Variants in EFTUD2 observed in about 807,000 individuals in gnomAD.
The protein encoded by EFTUD2 is elongation factor Tu GTP binding domain containing 2.
In EFTUD2, 9 loss-of-function variants were observed where a neutral mutation model predicts 114.3. The observed-to-expected ratio is 0.08, with a 90% CI of 0.05 to 0.14. The LOEUF (loss-of-function observed/expected upper bound fraction) is 0.14. EFTUD2 is among the 10% of genes least tolerant of loss of function. The probability of loss-of-function intolerance (pLI) is 1.00; values close to 1 mark genes in which losing one functional copy is unlikely to be tolerated. For synonymous variants in EFTUD2, 449 were observed against 462.3 expected (o/e 0.97, Z 0.37); for missense variants, 765 against 1,241.2 (o/e 0.62, Z 5.76).
At chr17:44,855,693 G>C (rs779747632) in intron 20 of EFTUD2, among the ~76,000 whole-genome samples, 1 of 152,306 alleles carries the variant, frequency 6.6e-6, no homozygotes, top group African/African-American at 2.4e-5. Flanking sequence ...GCTCATGCCT[G>C]TAATCCCAAC....
Position 44,880,577 on chromosome 17 carries a change from A to T in EFTUD2, c.596T>A (p.Leu199His). The change falls in exon 8 of 28, where the codon CTC becomes CAC. Residue 199 changes from leucine (L) to histidine (H), a missense_variant. Physicochemically the swap from Leu to His is moderately conservative, Grantham distance 99. Coordinates refer to ENST00000426333, the MANE Select transcript of EFTUD2 (RefSeq NM_004247.4). The stretch of plus-strand genomic sequence containing the variant: ...ACCTGGAGTGTCCATGATATTGAAG[A>T]GATAAGATTTTCCTTTGGTGTCTGG... Reference protein sequence around the residue: ...VLPDTKGKSYLFNIMDTPGHV... With the variant: ...VLPDTKGKSYHFNIMDTPGHV... 6.2e-7 allele frequency: 1 copy of T among 1,613,754 alleles called. No homozygotes were observed. Among genetic ancestry groups the T allele is most frequent in the Non-Finnish European group, 8.5e-7 (1 of 1,179,696 alleles).
chr17:44,895,254 G>A (rs531064296), intron 1 of EFTUD2, among the ~76,000 whole-genome samples: 9 of 152,374 alleles, frequency 5.9e-5, no homozygotes, highest in African/African-American at 2.2e-4. Context: ...CCAGCACTTT[G>A]GGAGGCCAAG....
intron 14 of EFTUD2, 86 bp downstream of exon 14, chr17:44,864,844 C>G: frequency 6.4e-7 from 1 of 1,550,868 alleles, no homozygotes; most frequent in Non-Finnish European, 8.7e-7. Flanking sequence ...TTTCTGACCT[C>G]CATCGCTGGG....
At chr17:44,872,674 C>T (rs2050877278) in intron 10 of EFTUD2, 104 bp from the exon 11 acceptor site, 15 of 1,406,698 alleles carry the variant, frequency 1.1e-5, no homozygotes, top group South Asian at 5.6e-5. Context: ...CTCCAGCCCT[C>T]GGAAGGGACT....
chr17:44,872,073 G>A (rs1297276605), intron 11 of EFTUD2, among the ~76,000 whole-genome samples: 1 of 152,190 alleles, frequency 6.6e-6, no homozygotes, highest in Non-Finnish European at 1.5e-5. Flanking sequence ...ATTGATGTCT[G>A]CCTCCATACG....
At chr17:44,882,088 C>T (rs904128815) in intron 6 of EFTUD2, among the ~76,000 whole-genome samples, 1 of 152,174 alleles carries the variant, frequency 6.6e-6, no homozygotes, top group African/African-American at 2.4e-5. Context: ...ACGTGCGCCA[C>T]CATGCTCAGC....
intron 13 of EFTUD2, among the ~76,000 whole-genome samples, chr17:44,867,296 GAT>G (rs2050764115): frequency 7.8e-6 from 1 of 127,722 alleles, no homozygotes. Flanking sequence ...CCTTTCCTTT[GAT>G]TTTTTTTTTT....
chr17:44,869,737 C>T (rs2050812897), intron 11 of EFTUD2, among the ~76,000 whole-genome samples: 1 of 152,164 alleles, frequency 6.6e-6, no homozygotes, highest in African/African-American at 2.4e-5. Context: ...TTTGCCCAAG[C>T]CCCATCTCTT....
chr17:44,894,522 G>T lies in EFTUD2; in HGVS notation c.-1C>A. 2.5e-6 allele frequency: 4 copies of T among 1,611,274 alleles called. No homozygotes were observed. Among genetic ancestry groups the T allele is most frequent in the Non-Finnish European group, 3.4e-6 (4 of 1,177,674 alleles). On this transcript the variant is annotated 5_prime_UTR_variant, in exon 2 of 28. Transcript: ENST00000426333. ...ACTCATCATATAAGTCGGTATCCAT[G>T]ATGCTAAAATTCAAGGAGAGAAGAG...
intron 20 of EFTUD2, among the ~76,000 whole-genome samples, 176 bp downstream of exon 20, chr17:44,856,899 C>A (rs2050566728): frequency 6.6e-6 from 1 of 152,124 alleles, no homozygotes; most frequent in Non-Finnish European, 1.5e-5. Context: ...TCATTGTGTT[C>A]AAAGGCAGAA....
At chr17:44,879,828 G>A (rs1325538814) in intron 8 of EFTUD2, among the ~76,000 whole-genome samples, 190 bp from the exon 9 acceptor site, 1 of 151,898 alleles carries the variant, frequency 6.6e-6, no homozygotes, top group African/African-American at 2.4e-5. Context: ...TTTCCTACGG[G>A]AGGCTCCCTA....
chr17:44,860,101 T>G, intron 17 of EFTUD2, 56 bp from the exon 18 acceptor site: 1 of 1,612,506 alleles, frequency 6.2e-7, no homozygotes, highest in Non-Finnish European at 8.5e-7. Flanking sequence ...GCACAGAAAG[T>G]GCAGAGGTAT....
At chr17:44,860,126 A>C (rs958299515) in intron 17 of EFTUD2, 81 bp from the exon 18 acceptor site, 260 of 1,594,990 alleles carry the variant, frequency 1.6e-4, no homozygotes, top group Admixed American at 2.5e-4. Context: ...AGAGAAGAGG[A>C]CTTGCTTAGG....
In EFTUD2 at chr17:44,880,211, C is replaced by A. The variant is rs561107985; in HGVS notation, c.619+343G>T. On this transcript the variant is annotated intron_variant, in intron 8 of 27. Transcript: ENST00000426333. ...CATCAGGATGTTCACCAGTCTCCTT[C>A]AAAAGACTGAGAGTACTCAAGGCCA... Among the ~76,000 whole-genome samples the A allele has an allele frequency of 2.6e-5, 4 of 152,318 alleles. No individual in the cohort carries two copies. The South Asian group carries it at 8.3e-4, about 32-fold the overall frequency.
rs958083035 is a variant in EFTUD2 at position 44,853,817 on chromosome 17, T to C, written c.2348-182A>G. The stretch of plus-strand genomic sequence containing the variant: ...CAAGGCCCATGGCAGAGGTCAGAAG[T>C]TAAGCATATGTTCTTAGTGTTTGCT... On this transcript the variant is annotated intron_variant, in intron 23 of 27. Transcript: ENST00000426333. The C allele has an allele frequency of 7.7e-6, 11 of 1,433,372 alleles. No individual in the cohort carries two copies. In the African/African-American group the frequency reaches 1.4e-4, roughly 19 times the overall value. 88.8% of individuals were successfully genotyped at this position (1,433,372 alleles called of 1,614,324 possible).
rs1167404135 is a variant in EFTUD2, at chr17:44,852,457, A to G, written c.2667T>C (p.Thr889=). Residue 889 remains threonine, a synonymous_variant, in exon 26 of 28, where the codon ACT becomes ACC. Transcript: ENST00000426333. ...DSFGFETDLR[T]HTQGQAFSLS... ...GAGAAAAGGCTTGTCCCTGGGTGTG[A>G]GTCCGGAGATCAGTCTCAAAGCCAA... 1.9e-6 allele frequency: 3 copies of G among 1,614,114 alleles called. No individual in the cohort carries two copies. In the South Asian group the frequency reaches 3.3e-5, roughly 18 times the overall value.
intron 3 of EFTUD2, 121 bp from the exon 4 acceptor site, chr17:44,885,455 T>G: frequency 1.4e-6 from 1 of 740,158 alleles, no homozygotes. Context: ...TATTTTACTC[T>G]CAAGGATCAC....
At chr17:44,868,191 T>G (rs890019337) in intron 12 of EFTUD2, 96 bp downstream of exon 12, 5 of 1,005,034 alleles carry the variant, frequency 5.0e-6, no homozygotes, top group African/African-American at 1.7e-5. Flanking sequence ...AAAAAAAAAG[T>G]AGGTATTTAA....
At position 44,858,321 on chromosome 17, in the gene EFTUD2, G is replaced by A. The variant is rs149127247; in HGVS notation, c.1962+759C>T. On this transcript the variant is annotated intron_variant, in intron 19 of 27. Coordinates refer to ENST00000426333, the MANE Select transcript of EFTUD2 (RefSeq NM_004247.4). ...CATGATCGTAGCTCACTGCAGCCTC[G>A]AACTGCTGGGCTCAAGCAATCCTCC... Among the ~76,000 whole-genome samples, 225 of 152,192 alleles carry A rather than the reference G, an allele frequency of 1.5e-3. 1 individual carries two copies. The highest frequency in any genetic ancestry group is 4.9e-3 in the African/African-American group (205 of 41,512).
Sources: gnomAD v4.1 joint callset for allele counts (sites outside exome capture counted in the v4.1 genomes callset) on GRCh38, gnomAD v4.1.1 for gene constraint, MANE v1.5 for transcripts, NCBI Gene and HGNC (gene_info 2026-07-23, HGNC 2026-07-21) for gene names.